ZFHX3: variants seen among roughly 807,000 people sequenced by gnomAD.
ZFHX3 encodes zinc finger homeobox protein 3.
A neutral mutation model predicts 279.1 loss-of-function variants in ZFHX3; 42 were observed. That is an observed-to-expected ratio of 0.15 (90% CI 0.12 to 0.19). The LOEUF is 0.19. ZFHX3 is among the 10% of genes least tolerant of loss of function. ZFHX3 has a pLI of 1.00. For synonymous variants in ZFHX3, 2,293 were observed against 1,957.8 expected, an observed-to-expected ratio of 1.17 and a Z score of -4.52; for missense variants, 4,981 against 4,754.0, an observed-to-expected ratio of 1.05 and a Z score of -1.40.
At chr16:72,874,275 C>T (rs1181381993) in intron 4 of ZFHX3, among the ~76,000 whole-genome samples, 1 of 140,812 alleles carries the variant, frequency 7.1e-6, no homozygotes, top group Non-Finnish European at 1.5e-5. Flanking sequence ...GGCACAATCT[C>T]GGCTCGCTGC....
At chr16:73,052,217 T>A (rs369048803), upstream of ZFHX3, among the ~76,000 whole-genome samples, 13 of 149,046 alleles carry the variant, frequency 8.7e-5, no homozygotes, top group African/African-American at 2.0e-4. Context: ...ATTGTAGATT[T>A]AAAAAAAAAA....
intron 3 of ZFHX3, among the ~76,000 whole-genome samples, chr16:73,442,592 A>G (rs2018113727): frequency 1.3e-5 from 2 of 152,200 alleles, no homozygotes; most frequent in Non-Finnish European, 2.9e-5. Context: ...AAAAACAACT[A>G]GTGTCTCAGT....
chr16:73,417,396 C>CTTTTTTT (rs57283343), intron 3 of ZFHX3, among the ~76,000 whole-genome samples: 101 of 118,690 alleles, frequency 8.5e-4, no homozygotes, highest in East Asian at 4.5e-3. Context: ...TTTTTCTTTT[C>CTTTTTTT]TTTTTTTTTT....
chr16:72,899,180 T>A (rs544788505), intron 3 of ZFHX3, among the ~76,000 whole-genome samples: 1 of 152,178 alleles, frequency 6.6e-6, no homozygotes, highest in Non-Finnish European at 1.5e-5. Flanking sequence ...CCTCCTGATA[T>A]AGTTTGGCTG....
chr16:73,633,034 G>T (rs367824858), intron 2 of ZFHX3, among the ~76,000 whole-genome samples: 1 of 152,152 alleles, frequency 6.6e-6, no homozygotes. Context: ...AGCTGGGATC[G>T]CACCACTGCA....
chr16:73,778,749 C>A (rs889470309), intron 1 of ZFHX3, among the ~76,000 whole-genome samples: 37 of 152,168 alleles, frequency 2.4e-4, no homozygotes, highest in Non-Finnish European at 1.5e-4. Flanking sequence ...GATGAAAATA[C>A]AATGGTAAGA....
chr16:72,855,691 C>G (rs191150183), intron 4 of ZFHX3, among the ~76,000 whole-genome samples: 153 of 152,296 alleles, frequency 1.0e-3, no homozygotes, highest in Admixed American at 2.7e-3. Flanking sequence ...TACCCTGCAC[C>G]AGGAATATGG....
chr16:72,970,353 G>A (rs1258122554), intron 1 of ZFHX3, among the ~76,000 whole-genome samples: 1 of 152,006 alleles, frequency 6.6e-6, no homozygotes, highest in Admixed American at 6.5e-5. Context: ...GGGATTTGGG[G>A]CAATTTAAAC....
chr16:73,051,283 G>A (rs1442806135), upstream of ZFHX3, among the ~76,000 whole-genome samples: 2 of 152,118 alleles, frequency 1.3e-5, no homozygotes, highest in South Asian at 2.1e-4. Context: ...AAAAACAAAC[G>A]TTCCTGAAAT....
chr16:73,483,600 C>G (rs987519181), intron 2 of ZFHX3, among the ~76,000 whole-genome samples: 9 of 151,542 alleles, frequency 5.9e-5, no homozygotes, highest in African/African-American at 1.2e-4. Flanking sequence ...AAGACGAGAA[C>G]AAGAAAAAGG....
intron 4 of ZFHX3, among the ~76,000 whole-genome samples, chr16:72,841,835 GAT>G (rs2037352653): frequency 6.6e-6 from 1 of 152,192 alleles, no homozygotes; most frequent in Non-Finnish European, 1.5e-5. Flanking sequence ...AACACACAGT[GAT>G]AGTCATCAAG....
intron 3 of ZFHX3, among the ~76,000 whole-genome samples, chr16:72,900,136 C>CAAAAAAAAAAAAA (rs10669734): frequency 3.2e-5 from 2 of 63,394 alleles, no homozygotes; most frequent in Non-Finnish European, 3.2e-5. Context: ...ATGCCCTTGC[C>CAAAAAAAAAAAAA]AAAAAAAAAA....
intron 3 of ZFHX3, among the ~76,000 whole-genome samples, chr16:73,398,115 G>A (rs1428537652): frequency 6.6e-6 from 1 of 152,200 alleles, no homozygotes; most frequent in African/African-American, 2.4e-5. Context: ...ATAGTGCTGG[G>A]ATTACAGGCG....
chr16:73,360,599 A>G lies in ZFHX3; in HGVS notation c.-1290-42263T>C, dbSNP rs145414442. 4.5e-3 allele frequency among the ~76,000 whole-genome samples: 686 copies of G among 152,364 alleles called. 2 individuals are homozygous for G. Among genetic ancestry groups the G allele is most frequent in the African/African-American group, 0.016 (648 of 41,594 alleles). On this transcript the variant is annotated intron_variant, in intron 3 of 17. Coordinates refer to the ZFHX3 transcript ENST00000641206. Reference sequence around the variant, plus strand: ...AGTGATCCACCCACCTTGGCCTACCAAAGTGCTGGGATTACAGGCATGAGC... The same window carrying G: ...AGTGATCCACCCACCTTGGCCTACCGAAGTGCTGGGATTACAGGCATGAGC...
chr16:72,808,766 C>G (rs974707500), intron 7 of ZFHX3, among the ~76,000 whole-genome samples: 1 of 152,230 alleles, frequency 6.6e-6, no homozygotes, highest in African/African-American at 2.4e-5. Context: ...GGTTCTAGAA[C>G]AGTTTGTATT....
At chr16:73,620,275 C>A (rs1359827530) in intron 2 of ZFHX3, among the ~76,000 whole-genome samples, 1 of 152,172 alleles carries the variant, frequency 6.6e-6, no homozygotes, top group Non-Finnish European at 1.5e-5. Context: ...TGTAATAGTA[C>A]ACATGTGTTT....
chr16:73,694,407 G>A (rs559847241), intron 1 of ZFHX3, among the ~76,000 whole-genome samples: 9 of 152,124 alleles, frequency 5.9e-5, no homozygotes, highest in African/African-American at 1.4e-4. Flanking sequence ...TCAGTGGTGC[G>A]ATATCGGCTT....
At chr16:72,831,472 C>A (rs1479938148) in intron 4 of ZFHX3, among the ~76,000 whole-genome samples, 1 of 152,196 alleles carries the variant, frequency 6.6e-6, no homozygotes, top group African/African-American at 2.4e-5. Flanking sequence ...AGTTTCCCTA[C>A]CCTACCCTTA....
At chr16:73,658,982 T>C (rs564351815) in intron 2 of ZFHX3, among the ~76,000 whole-genome samples, 1 of 152,042 alleles carries the variant, frequency 6.6e-6, no homozygotes, top group African/African-American at 2.4e-5. Context: ...GATTCTAAGA[T>C]AGGTAACCAA....
Sources: gnomAD v4.1 joint callset for allele counts (sites outside exome capture counted in the v4.1 genomes callset) on GRCh38, gnomAD v4.1.1 for gene constraint, MANE v1.5 for transcripts, NCBI Gene and HGNC (gene_info 2026-07-23, HGNC 2026-07-21) for gene names.